OTP: variants seen among roughly 807,000 people sequenced by gnomAD.
OTP encodes the protein orthopedia homeobox.
A neutral mutation model predicts 22.3 loss-of-function variants in OTP; 5 were observed. That is an observed-to-expected ratio of 0.22 (90% CI 0.12 to 0.47). The LOEUF is 0.47. Among genes scored for constraint, OTP ranks in the 20% least tolerant of loss-of-function variants. The pLI is 0.99. For synonymous variants in OTP, 229 were observed against 210.6 expected, an observed-to-expected ratio of 1.09 and a Z score of -0.76; for missense variants, 428 against 456.2, an observed-to-expected ratio of 0.94 and a Z score of 0.56.
Position 77,637,069 on chromosome 5 carries a change from C to A in OTP, c.199G>T (p.Gly67Cys), listed in dbSNP as rs1481084611. ...LLPGEDITTV[G>C]STPASLAVSA... The stretch of plus-strand genomic sequence containing the variant: ...ACCGCCAGCGAGGCCGGAGTAGAGC[C>A]CACTGTGGTGATGTCCTCCCCGGGC... The change falls in exon 2 of 3, where the codon GGC becomes TGC. Residue 67 changes from glycine to cysteine, a missense_variant. By Grantham distance (159) the Gly-to-Cys change is radical. Coordinates refer to ENST00000306422, the MANE Select transcript of OTP (RefSeq NM_032109.3). 2 of 1,613,438 alleles carry A rather than the reference C, an allele frequency of 1.2e-6. No homozygotes were observed. Among genetic ancestry groups the A allele is most frequent in the Admixed American group, 3.3e-5 (2 of 59,994 alleles).
At chr5:77,638,445 T>C (rs994569199) in intron 1 of OTP, 68 bp downstream of exon 1, 9 of 1,475,316 alleles carry the variant, frequency 6.1e-6, no homozygotes, top group Non-Finnish European at 7.4e-6. Flanking sequence ...TAAGGTAAAA[T>C]AAGGAACAAA....
At chr5:77,634,710 C>T (rs1744981888) in intron 2 of OTP, among the ~76,000 whole-genome samples, 1 of 152,116 alleles carries the variant, frequency 6.6e-6, no homozygotes, top group Non-Finnish European at 1.5e-5. Context: ...ATTATTTTTG[C>T]ATTACATTAC....
intron 2 of OTP, among the ~76,000 whole-genome samples, chr5:77,632,192 A>G (rs1222181647): frequency 6.6e-6 from 1 of 152,128 alleles, no homozygotes; most frequent in African/African-American, 2.4e-5. Context: ...TCACAGAAGA[A>G]GAGTTCTGCC....
chr5:77,635,934 G>A (rs950210234), intron 2 of OTP: 2 of 151,590 alleles, frequency 1.3e-5, no homozygotes, highest in African/African-American at 4.9e-5. Context: ...ACAAAAATCT[G>A]GGATTCACTA....
Position 77,638,692 on chromosome 5 carries a change from AG to A in OTP, c.-144del. On this transcript the variant is annotated 5_prime_UTR_variant, in exon 1 of 3. It introduces an in-frame stop codon into an upstream open reading frame of the 5' UTR. Transcript: ENST00000306422. ...AAGAAAATTCGGTTTGTGGTTAAAA[AG>A]GGGGCTTCTTGCATTATAATGTCCT... 4.1e-6 allele frequency: 3 copies of A among 736,002 alleles called. No individual in the cohort carries two copies. Among genetic ancestry groups the A allele is most frequent in the Non-Finnish European group, 6.2e-6 (3 of 482,690 alleles). The allele number at this position is 736,002 out of a possible 1,614,324, so 45.6% of individuals were successfully genotyped here.
At position 77,638,594 on chromosome 5, in the gene OTP, C is replaced by T; in HGVS notation, c.-45G>A. 3 of 1,523,062 alleles carry T rather than the reference C, an allele frequency of 2.0e-6. No homozygotes were observed. The highest frequency in any genetic ancestry group is 2.4e-5 in the East Asian group (1 of 41,094). The allele number at this position is 1,523,062 out of a possible 1,614,324, so 94.3% of individuals were successfully genotyped here. On this transcript the variant is annotated 5_prime_UTR_variant, in exon 1 of 3. Coordinates refer to ENST00000306422, the MANE Select transcript of OTP (RefSeq NM_032109.3). ...AAAGCTGTTCCCCCCCAAATTTTAG[C>T]GGCTTTAAGTTATTTAAAATAGATA...
At position 77,630,354 on chromosome 5, in the gene OTP, G is replaced by A. The variant is rs764920309; in HGVS notation, c.888C>T (p.Ser296=). ...CCCGCCACACGTCGCTGCTGTCCGG[G>A]GAGCTGCAGAGCTGGGGCGAACCGG... is the stretch of plus-strand genomic sequence containing the variant. ...NVSGSPQLCS[S]PDSSDVWRGT... Residue 296 remains serine (S), a synonymous_variant, in exon 3 of 3, where the codon TCC becomes TCT. Coordinates refer to ENST00000306422, the MANE Select transcript of OTP (RefSeq NM_032109.3). 2 of 1,575,026 alleles carry A rather than the reference G, an allele frequency of 1.3e-6. No homozygotes were observed. Among genetic ancestry groups the A allele is most frequent in the Non-Finnish European group, 1.7e-6 (2 of 1,164,160 alleles).
rs1745013359 is a variant in OTP, at chr5:77,636,734, G to A, written c.447+87C>T. Reference sequence around the variant, plus strand: ...CAGCCTGAAAGCAGCCCAGGATCTCGACAGGGGAAGGGAAGACCCTGCTCC... The same window carrying A: ...CAGCCTGAAAGCAGCCCAGGATCTCAACAGGGGAAGGGAAGACCCTGCTCC... On this transcript the variant is annotated intron_variant, in intron 2 of 2. Coordinates refer to ENST00000306422, the MANE Select transcript of OTP (RefSeq NM_032109.3). 2.9e-6 allele frequency: 4 copies of A among 1,363,232 alleles called. No homozygotes were observed. In the African/African-American group the frequency reaches 4.4e-5, roughly 15 times the overall value. The allele number at this position is 1,363,232 out of a possible 1,614,324, so 84.4% of individuals were successfully genotyped here.
chr5:77,636,078 C>G (rs1332300672), intron 2 of OTP: 1 of 152,190 alleles, frequency 6.6e-6, no homozygotes, highest in East Asian at 1.9e-4. Flanking sequence ...GCCTGTCAAC[C>G]TTTCCCGTTC....
chr5:77,630,678 G>A lies in OTP; in HGVS notation c.564C>T (p.Ala188=). ...TPGLPQFPSA[A]AAAAAAMGDS... The stretch of plus-strand genomic sequence containing the variant: ...CGCCCATGGCGGCGGCAGCGGCGGC[G>A]GCAGCCGACGGGAACTGAGGCAGGC... Residue 188 remains alanine (A), a synonymous_variant, in exon 3 of 3, where the codon GCC becomes GCT. Coordinates refer to ENST00000306422, the MANE Select transcript of OTP (RefSeq NM_032109.3). 6.3e-7 allele frequency: 1 copy of A among 1,579,320 alleles called. No individual in the cohort carries two copies. The highest frequency in any genetic ancestry group is 8.5e-7 in the Non-Finnish European group (1 of 1,170,796).
In OTP at chr5:77,630,389, TG is replaced by T. The variant is rs1476251621; in HGVS notation, c.852del (p.Ser285AlafsTer32). On this transcript the variant is annotated frameshift_variant, in exon 3 of 3. Coordinates refer to ENST00000306422, the MANE Select transcript of OTP (RefSeq NM_032109.3). LOFTEE classifies it high-confidence loss of function. Reference protein sequence around the residue: ...PGMVPASLPGPSNVSGSPQLC... With the variant: ...PGMVPASLPGXSNVSGSPQLC... The stretch of plus-strand genomic sequence containing the variant: ...AGCTGGGGCGAACCGGAGACGTTGC[TG>T]GGGCCGGGGAGGGAGGCGGGCACCA... The T allele has an allele frequency of 6.3e-7, 1 of 1,579,488 alleles. No homozygotes were observed. Among genetic ancestry groups the T allele is most frequent in the Non-Finnish European group, 8.6e-7 (1 of 1,166,426 alleles).
intron 2 of OTP, chr5:77,635,954 T>G (rs1275482876): frequency 6.6e-6 from 1 of 152,146 alleles, no homozygotes; most frequent in Non-Finnish European, 1.5e-5. Flanking sequence ...AGGCTTATAC[T>G]TTTATTCACC....
rs1346848981 is a variant in OTP at position 77,628,943 on chromosome 5, A to G, written c.*1321T>C. The G allele has an allele frequency of 3.3e-5, 5 of 152,780 alleles. No homozygotes were observed. Among genetic ancestry groups the G allele is most frequent in the African/African-American group, 1.2e-4 (5 of 41,576 alleles). The allele number at this position is 152,780 out of a possible 1,614,324, so 9.5% of individuals were successfully genotyped here. The stretch of plus-strand genomic sequence containing the variant: ...TTCACATATTTGTTCATTCTTAGAA[A>G]GCGCTTCTGTTCTCTGGGTTTGGAT... On this transcript the variant is annotated 3_prime_UTR_variant, in exon 3 of 3. Coordinates refer to ENST00000306422, the MANE Select transcript of OTP (RefSeq NM_032109.3).
chr5:77,636,842 C>G lies in OTP; in HGVS notation c.426G>C (p.Gly142=), dbSNP rs771645079. 1 of 1,613,142 alleles carries G rather than the reference C, an allele frequency of 6.2e-7. No individual in the cohort carries two copies. The highest frequency in any genetic ancestry group is 8.5e-7 in the Non-Finnish European group (1 of 1,179,478). ...GTACCTGCACTCGGGACTCGGTCAG[C>G]CCGATACGCAGTGCCAGCTCCTCAC... The part of the protein sequence containing the change: ...FMREELALRI[G]LTESRVQVWF... Residue 142 remains glycine (G), a synonymous_variant, in exon 2 of 3, where the codon GGG becomes GGC. Transcript: ENST00000306422.
Position 77,628,874 on chromosome 5 carries a change from A to G in OTP, c.*1390T>C, listed in dbSNP as rs1370801240. ...TTAAGTTAAAACATATCACAAATTGACCAGTATGTAACAAGAATGCTTTAT... is the reference window on the plus strand; with the variant it reads ...TTAAGTTAAAACATATCACAAATTGGCCAGTATGTAACAAGAATGCTTTAT... On this transcript the variant is annotated 3_prime_UTR_variant, in exon 3 of 3. Transcript: ENST00000306422. 1.3e-5 allele frequency: 2 copies of G among 152,544 alleles called. No homozygotes were observed. Among genetic ancestry groups the G allele is most frequent in the East Asian group, 3.9e-4 (2 of 5,192 alleles). The allele number at this position is 152,544 out of a possible 1,614,324, so 9.4% of individuals were successfully genotyped here. A position where few individuals can be genotyped will look rare whatever the true frequency, so the allele number is the denominator to read the frequency against.
At chr5:77,635,172 A>T (rs960322119) in intron 2 of OTP, among the ~76,000 whole-genome samples, 2 of 152,216 alleles carry the variant, frequency 1.3e-5, no homozygotes, top group Non-Finnish European at 2.9e-5. Context: ...CTTTAAATAC[A>T]GAATTAATAG....
In OTP at chr5:77,632,460, A is replaced by G. The variant is rs568107854; in HGVS notation, c.448-1666T>C. Among the ~76,000 whole-genome samples, 8 of 152,246 alleles carry G rather than the reference A, an allele frequency of 5.3e-5. No individual in the cohort carries two copies. In the East Asian group the frequency reaches 1.4e-3, roughly 26 times the overall value. Reference sequence around the variant, plus strand: ...ATATCCGTGGAAAAAAACGTTGTGCATCCGTTAATCTAACCTATTTAGTGT... The same window carrying G: ...ATATCCGTGGAAAAAAACGTTGTGCGTCCGTTAATCTAACCTATTTAGTGT... On this transcript the variant is annotated intron_variant, in intron 2 of 2. Transcript: ENST00000306422.
In OTP at chr5:77,638,602, A is replaced by C. The variant is rs1259061785; in HGVS notation, c.-53T>G. On this transcript the variant is annotated 5_prime_UTR_variant, in exon 1 of 3. Transcript: ENST00000306422. ...TCCCCCCCAAATTTTAGCGGCTTTA[A>C]GTTATTTAAAATAGATATAAGCTAT... The C allele has an allele frequency of 2.7e-6, 4 of 1,491,528 alleles. No homozygotes were observed. In the African/African-American group the frequency reaches 5.7e-5, roughly 21 times the overall value. 92.4% of individuals were successfully genotyped at this position (1,491,528 alleles called of 1,614,324 possible). A position where few individuals can be genotyped will look rare whatever the true frequency, so the allele number is the denominator to read the frequency against.
chr5:77,638,594 C>A lies in OTP; in HGVS notation c.-45G>T, dbSNP rs540099568. The A allele has an allele frequency of 1.1e-5, 17 of 1,523,064 alleles. No individual in the cohort carries two copies. The South Asian group carries it at 1.8e-4, about 16-fold the overall frequency. 94.3% of individuals were successfully genotyped at this position (1,523,064 alleles called of 1,614,324 possible). A position where few individuals can be genotyped will look rare whatever the true frequency, so the allele number is the denominator to read the frequency against. On this transcript the variant is annotated 5_prime_UTR_variant, in exon 1 of 3. Coordinates refer to ENST00000306422, the MANE Select transcript of OTP (RefSeq NM_032109.3). Reference sequence around the variant, plus strand: ...AAAGCTGTTCCCCCCCAAATTTTAGCGGCTTTAAGTTATTTAAAATAGATA... The same window carrying A: ...AAAGCTGTTCCCCCCCAAATTTTAGAGGCTTTAAGTTATTTAAAATAGATA...
Sources: gnomAD v4.1 joint callset for allele counts (sites outside exome capture counted in the v4.1 genomes callset) on GRCh38, gnomAD v4.1.1 for gene constraint, MANE v1.5 for transcripts, NCBI Gene and HGNC (gene_info 2026-07-23, HGNC 2026-07-21) for gene names.